MACROD2: variants seen among roughly 807,000 people sequenced by gnomAD.
MACROD2 encodes ADP-ribose glycohydrolase MACROD2.
In MACROD2, 36 loss-of-function variants were observed where a neutral mutation model predicts 70.4. The ratio of observed to expected loss-of-function variants is 0.51; its 90% CI spans 0.39 to 0.68. The LOEUF is 0.68. Ranked by LOEUF, MACROD2 falls within the 30% of genes least tolerant of loss-of-function variation. The probability of loss-of-function intolerance (pLI) is 0.00; values close to 1 mark genes in which losing one functional copy is unlikely to be tolerated. For missense variants in MACROD2, 496 were observed against 538.4 expected, an observed-to-expected ratio of 0.92 and a Z score of 0.78; for synonymous variants, 172 against 178.8, an observed-to-expected ratio of 0.96 and a Z score of 0.30.
chr20:15,868,368 C>T (rs2064523157), intron 9 of MACROD2, among the ~76,000 whole-genome samples: 1 of 152,120 alleles, frequency 6.6e-6, no homozygotes, highest in South Asian at 2.1e-4. Flanking sequence ...ACCTGCCACC[C>T]AACCCCTACT....
intron 8 of MACROD2, among the ~76,000 whole-genome samples, chr20:15,810,734 C>A (rs1392928970): frequency 6.6e-6 from 1 of 152,190 alleles, no homozygotes; most frequent in African/African-American, 2.4e-5. Context: ...GGTACCAAAA[C>A]AGTGATATAG....
chr20:14,894,771 T>C (rs2073807549), intron 5 of MACROD2: 1 of 152,200 alleles, frequency 6.6e-6, no homozygotes, highest in South Asian at 2.1e-4. Flanking sequence ...CATTTTATCA[T>C]ATTGATTTCA....
intron 3 of MACROD2, among the ~76,000 whole-genome samples, chr20:14,223,509 T>C (rs2081701373): frequency 7.0e-6 from 1 of 143,706 alleles, no homozygotes; most frequent in Non-Finnish European, 1.5e-5. Flanking sequence ...CTAAATTCTT[T>C]TTTTTTTTTT....
chr20:15,177,879 G>A (rs1427324698), intron 5 of MACROD2, among the ~76,000 whole-genome samples: 1 of 151,644 alleles, frequency 6.6e-6, no homozygotes, highest in Non-Finnish European at 1.5e-5. Context: ...GCTGCAATTG[G>A]GTCGTGTATC....
chr20:15,708,234 T>C (rs2050566621), intron 8 of MACROD2, among the ~76,000 whole-genome samples: 1 of 152,182 alleles, frequency 6.6e-6, no homozygotes, highest in Non-Finnish European at 1.5e-5. Flanking sequence ...TGCAGCTTAG[T>C]TCCTGGTGGG....
At chr20:14,551,767 G>A (rs1978666735) in intron 4 of MACROD2, among the ~76,000 whole-genome samples, 2 of 152,094 alleles carry the variant, frequency 1.3e-5, no homozygotes, top group Admixed American at 1.3e-4. Flanking sequence ...AGATAAAAAG[G>A]CAACTTAATA....
chr20:15,683,636 T>G (rs1433699419), intron 8 of MACROD2, among the ~76,000 whole-genome samples: 1 of 152,142 alleles, frequency 6.6e-6, no homozygotes, highest in East Asian at 1.9e-4. Context: ...TGGAGTGTAG[T>G]GGCACAATCT....
At chr20:14,206,966 G>C (rs1212258321) in intron 3 of MACROD2, among the ~76,000 whole-genome samples, 2 of 152,124 alleles carry the variant, frequency 1.3e-5, no homozygotes, top group Non-Finnish European at 2.9e-5. Flanking sequence ...AAGAATGATA[G>C]TGATAATAAT....
intron 5 of MACROD2, among the ~76,000 whole-genome samples, chr20:14,920,294 A>T (rs1387409384): frequency 6.6e-6 from 1 of 152,078 alleles, no homozygotes; most frequent in African/African-American, 2.4e-5. Context: ...TGTGTGAATA[A>T]CCAGGGCTCA....
At chr20:15,563,330 T>G (rs1359176848) in intron 8 of MACROD2, among the ~76,000 whole-genome samples, 3 of 152,172 alleles carry the variant, frequency 2.0e-5, no homozygotes, top group Admixed American at 6.5e-5. Context: ...TCCTAAAGCC[T>G]CTTTTTCTCT....
At chr20:15,508,277 C>A (rs748713932) in intron 8 of MACROD2, among the ~76,000 whole-genome samples, 4 of 150,516 alleles carry the variant, frequency 2.7e-5, no homozygotes, top group Non-Finnish European at 4.4e-5. Flanking sequence ...GCAGAGAGAA[C>A]CTAGAAAAAT....
intron 5 of MACROD2, among the ~76,000 whole-genome samples, chr20:14,937,275 A>T (rs1207537182): frequency 1.3e-5 from 2 of 151,928 alleles, no homozygotes; most frequent in Non-Finnish European, 2.9e-5. Context: ...AAGAGGTGGT[A>T]GGGGGTGAGT....
Position 15,744,808 on chromosome 20 carries a change from G to T in MACROD2, c.646-117937G>T, listed in dbSNP as rs147485549. 2.1e-4 allele frequency among the ~76,000 whole-genome samples: 32 copies of T among 152,058 alleles called. No individual in the cohort carries two copies. The East Asian group carries it at 2.5e-3, about 12-fold the overall frequency. On this transcript the variant is annotated intron_variant, in intron 8 of 17. Transcript: ENST00000684519. ...GTGTATGTGTGAATCCTTGGTTTGTGTCTCTTTGCAACTTTTTTTAAAATT... is the reference window on the plus strand; with the variant it reads ...GTGTATGTGTGAATCCTTGGTTTGTTTCTCTTTGCAACTTTTTTTAAAATT...
intron 8 of MACROD2, among the ~76,000 whole-genome samples, chr20:15,601,817 A>T (rs2048824432): frequency 6.6e-6 from 1 of 152,172 alleles, no homozygotes; most frequent in African/African-American, 2.4e-5. Flanking sequence ...TCACAAGGTC[A>T]GGAGATCGAG....
intron 5 of MACROD2, among the ~76,000 whole-genome samples, chr20:15,077,477 T>A (rs1178314174): frequency 1.3e-5 from 2 of 152,190 alleles, no homozygotes; most frequent in African/African-American, 4.8e-5. Flanking sequence ...GTCTTGAAAT[T>A]GTAAAGCACT....
intron 5 of MACROD2, among the ~76,000 whole-genome samples, chr20:15,158,193 T>C (rs1420421838): frequency 6.6e-6 from 1 of 152,210 alleles, no homozygotes; most frequent in East Asian, 1.9e-4. Flanking sequence ...GATATGTTTT[T>C]GAAACGTGGC....
chr20:15,666,478 T>G (rs1024338708), intron 8 of MACROD2, among the ~76,000 whole-genome samples: 1 of 152,236 alleles, frequency 6.6e-6, no homozygotes, highest in Non-Finnish European at 1.5e-5. Context: ...GGAATTCTGA[T>G]GCCAAATGTT....
intron 5 of MACROD2, among the ~76,000 whole-genome samples, chr20:15,043,474 C>A (rs890571070): frequency 1.3e-5 from 2 of 152,094 alleles, no homozygotes; most frequent in African/African-American, 4.8e-5. Flanking sequence ...CATGATGCCT[C>A]CACGCTGCAC....
At chr20:15,497,859 G>A (rs1259711970) in intron 7 of MACROD2, among the ~76,000 whole-genome samples, 1 of 151,968 alleles carries the variant, frequency 6.6e-6, no homozygotes, top group Non-Finnish European at 1.5e-5. Flanking sequence ...CTCTTTACTT[G>A]TCTATTTCCT....
Sources: allele counts gnomAD v4.1 joint callset (sites outside exome capture counted in the v4.1 genomes callset), GRCh38; gene constraint gnomAD v4.1.1; transcripts MANE v1.5; gene names NCBI Gene and HGNC (gene_info 2026-07-23, HGNC 2026-07-21).